PRKG1: variants seen among roughly 807,000 people sequenced by gnomAD.
PRKG1 encodes the protein protein kinase cGMP-dependent 1, also known as cGMP-dependent protein kinase 1.
PRKG1 carries 35 observed loss-of-function variants against 88.1 expected under a neutral mutation model. That is an observed-to-expected ratio of 0.40 (90% CI 0.30 to 0.53). The LOEUF is 0.53. PRKG1 is among the 20% of genes least tolerant of loss of function. PRKG1 has a pLI of 0.59. For synonymous variants in PRKG1, 303 were observed against 292.5 expected (o/e 1.04, Z -0.37); for missense variants, 540 against 839.8 (o/e 0.64, Z 4.41).
intron 4 of PRKG1, among the ~76,000 whole-genome samples, chr10:51,864,346 G>A (rs767658605): frequency 1.5e-4 from 23 of 152,136 alleles, no homozygotes; most frequent in Non-Finnish European, 2.5e-4. Context: ...TCTAGAAGCA[G>A]ATTTGTACAT....
chr10:51,375,810 G>A (rs1842806480), intron 2 of PRKG1, among the ~76,000 whole-genome samples: 1 of 152,152 alleles, frequency 6.6e-6, no homozygotes, highest in African/African-American at 2.4e-5. Flanking sequence ...TCAGTGGCCT[G>A]AAGGACGTGA....
At chr10:52,217,715 T>G (rs1196066716) in intron 9 of PRKG1, among the ~76,000 whole-genome samples, 3 of 152,170 alleles carry the variant, frequency 2.0e-5, no homozygotes, top group Non-Finnish European at 4.4e-5. Flanking sequence ...GGGCAACTGA[T>G]GCAAATGTAC....
chr10:51,022,171 C>G (rs1204805802), intron 1 of PRKG1, among the ~76,000 whole-genome samples: 1 of 152,160 alleles, frequency 6.6e-6, no homozygotes, highest in Non-Finnish European at 1.5e-5. Flanking sequence ...GACCCATCAC[C>G]AGAACATTGG....
chr10:51,516,060 C>T (rs1841570739), intron 3 of PRKG1, among the ~76,000 whole-genome samples: 1 of 152,170 alleles, frequency 6.6e-6, no homozygotes, highest in African/African-American at 2.4e-5. Flanking sequence ...TGGGTACCTG[C>T]ACTTGGTGCA....
intron 3 of PRKG1, among the ~76,000 whole-genome samples, chr10:51,487,415 A>G (rs1467768798): frequency 6.6e-6 from 1 of 152,164 alleles, no homozygotes; most frequent in Non-Finnish European, 1.5e-5. Context: ...ATTTACAAGT[A>G]TGAACTCTAT....
chr10:52,235,084 G>C (rs1169983564), intron 9 of PRKG1, among the ~76,000 whole-genome samples: 1 of 92,058 alleles, frequency 1.1e-5, no homozygotes, highest in African/African-American at 4.6e-5. Context: ...AAGTGAAGGA[G>C]AAATAAAATC....
intron 1 of PRKG1, among the ~76,000 whole-genome samples, chr10:51,134,680 A>C (rs921399181): frequency 1.3e-5 from 2 of 152,120 alleles, no homozygotes; most frequent in African/African-American, 2.4e-5. Context: ...TTTTGAACAG[A>C]AATATGTATT....
At chr10:51,999,265 C>A (rs913536044) in intron 5 of PRKG1, among the ~76,000 whole-genome samples, 3 of 152,198 alleles carry the variant, frequency 2.0e-5, no homozygotes, top group African/African-American at 7.2e-5. Flanking sequence ...GAGGGCGTTA[C>A]ATTGTCCGGG....
intron 3 of PRKG1, among the ~76,000 whole-genome samples, chr10:51,563,812 T>C (rs1837531818): frequency 6.6e-6 from 1 of 152,056 alleles, no homozygotes; most frequent in South Asian, 2.1e-4. Context: ...GCAAAGGCAA[T>C]GTAAATGGGA....
intron 8 of PRKG1, among the ~76,000 whole-genome samples, chr10:52,149,391 A>G (rs1288173714): frequency 6.6e-6 from 1 of 152,084 alleles, no homozygotes; most frequent in East Asian, 1.9e-4. Context: ...ACTTCCTATT[A>G]AGGACTGAAT....
At chr10:51,036,483 G>A (rs1843355712) in intron 1 of PRKG1, among the ~76,000 whole-genome samples, 1 of 152,052 alleles carries the variant, frequency 6.6e-6, no homozygotes, top group South Asian at 2.1e-4. Flanking sequence ...TAAAGTGAGG[G>A]AATCGAGGAG....
chr10:51,515,719 A>G (rs2132068521), intron 3 of PRKG1, among the ~76,000 whole-genome samples: 1 of 152,238 alleles, frequency 6.6e-6, no homozygotes, highest in South Asian at 2.1e-4. Flanking sequence ...CAATCAACGC[A>G]GGATATTTTC....
chr10:51,405,898 T>C (rs1837896996), intron 2 of PRKG1, among the ~76,000 whole-genome samples: 1 of 152,044 alleles, frequency 6.6e-6, no homozygotes, highest in Non-Finnish European at 1.5e-5. Context: ...AGCTACACAA[T>C]GGGACCTGAA....
At chr10:51,891,831 A>G (rs1012890090) in intron 4 of PRKG1, among the ~76,000 whole-genome samples, 1 of 152,230 alleles carries the variant, frequency 6.6e-6, no homozygotes, top group Non-Finnish European at 1.5e-5. Context: ...GGATCAGTGG[A>G]CCATAGTTTG....
chr10:51,643,729 T>A (rs1589155752), intron 3 of PRKG1, among the ~76,000 whole-genome samples: 1 of 152,174 alleles, frequency 6.6e-6, no homozygotes, highest in Admixed American at 6.5e-5. Context: ...TCCAAAGATT[T>A]TAGTGTTGAA....
chr10:52,066,619 A>T (rs951257498), intron 7 of PRKG1, among the ~76,000 whole-genome samples: 3 of 152,202 alleles, frequency 2.0e-5, no homozygotes, highest in Non-Finnish European at 4.4e-5. Context: ...AATGACTACA[A>T]TAGGCTAGTA....
intron 2 of PRKG1, among the ~76,000 whole-genome samples, chr10:51,389,951 G>A (rs1837355163): frequency 6.6e-6 from 1 of 152,130 alleles, no homozygotes; most frequent in Non-Finnish European, 1.5e-5. Flanking sequence ...TATGTTTATG[G>A]ACCCAAATGA....
At chr10:52,285,091 C>A (rs577755378) in intron 14 of PRKG1, among the ~76,000 whole-genome samples, 3 of 152,094 alleles carry the variant, frequency 2.0e-5, no homozygotes, top group African/African-American at 7.2e-5. Context: ...CAGAAAGGGT[C>A]CCAGGGAAGC....
At chr10:51,634,330 A>T (rs1463132330) in intron 3 of PRKG1, among the ~76,000 whole-genome samples, 2 of 152,126 alleles carry the variant, frequency 1.3e-5, no homozygotes, top group African/African-American at 4.8e-5. Context: ...TAAGATGGTG[A>T]TTGATTGGGT....
Sources: gnomAD v4.1 joint callset for allele counts (sites outside exome capture counted in the v4.1 genomes callset) on GRCh38, gnomAD v4.1.1 for gene constraint, MANE v1.5 for transcripts, NCBI Gene and HGNC (gene_info 2026-07-23, HGNC 2026-07-21) for gene names.